EPHA10: variants seen among roughly 807,000 people sequenced by gnomAD.
The protein encoded by EPHA10 is EPH receptor A10.
EPHA10 carries 120 observed loss-of-function variants against 109.7 expected under a neutral mutation model. The observed-to-expected ratio is 1.09, with a 90% CI of 0.94 to 1.27. The LOEUF (loss-of-function observed/expected upper bound fraction) is 1.27, where lower values mean the gene tolerates loss of function less well. EPHA10 is among the 50% of genes most tolerant of loss of function. The pLI, the probability that EPHA10 is intolerant of heterozygous loss-of-function variation, is 0.00. For missense variants in EPHA10, 1,396 were observed against 1,411.1 expected (o/e 0.99, Z 0.17); for synonymous variants, 640 against 618.9 (o/e 1.03, Z -0.51).
At chr1:37,756,252 A>G (rs1361022824) in intron 3 of EPHA10, among the ~76,000 whole-genome samples, 4 of 152,222 alleles carry the variant, frequency 2.6e-5, no homozygotes, top group Admixed American at 2.0e-4. Context: ...TTGGTCAAAT[A>G]GGAATAACAA....
At chr1:37,736,442 C>T (rs1167993372) in intron 5 of EPHA10, among the ~76,000 whole-genome samples, 6 of 143,122 alleles carry the variant, frequency 4.2e-5, no homozygotes, top group Non-Finnish European at 7.5e-5. Context: ...TGCCATTGCA[C>T]TCCAGCCTGG....
chr1:37,715,639 G>A (rs1390549620), downstream of EPHA10, among the ~76,000 whole-genome samples: 4 of 152,112 alleles, frequency 2.6e-5, no homozygotes, highest in South Asian at 2.1e-4. Context: ...ACTGAGCACT[G>A]AGCACCTTTC....
At chr1:37,749,254 T>C (rs1646286832) in intron 5 of EPHA10, among the ~76,000 whole-genome samples, 1 of 151,908 alleles carries the variant, frequency 6.6e-6, no homozygotes. Flanking sequence ...GAAAATCATA[T>C]TGCACAGTGC....
intron 6 of EPHA10, 33 bp downstream of exon 6, chr1:37,735,224 C>T: frequency 6.4e-7 from 1 of 1,559,028 alleles, no homozygotes; most frequent in Non-Finnish European, 8.7e-7. Flanking sequence ...AGGTGCGGGG[C>T]AGGCTCCAGG....
At chr1:37,760,266 A>T in intron 3 of EPHA10, 1 of 1,026,444 alleles carries the variant, frequency 9.7e-7, no homozygotes, top group Non-Finnish European at 1.2e-6. Context: ...CCAGAAAAGG[A>T]CATGGTTTAG....
chr1:37,722,670 A>C (rs1645818500), intron 10 of EPHA10: 1 of 376,310 alleles, frequency 2.7e-6, no homozygotes, highest in Non-Finnish European at 5.2e-6. Flanking sequence ...CATGACCCTG[A>C]TCATGCAGCG....
Position 37,762,766 on chromosome 1 carries a change from G to A in EPHA10, c.171+19C>T, listed in dbSNP as rs1242632787. 2.6e-6 allele frequency: 4 copies of A among 1,544,460 alleles called. No homozygotes were observed. Among genetic ancestry groups the A allele is most frequent in the Non-Finnish European group, 3.5e-6 (4 of 1,143,232 alleles). The stretch of plus-strand genomic sequence containing the variant: ...CACCAGAGGATCCCTGGGACAGGGA[G>A]GGACACTTGTGCACTTACCCCATTA... On this transcript the variant is annotated intron_variant, in intron 2 of 16. Transcript: ENST00000373048.
chr1:37,765,041 G>C lies in EPHA10; in HGVS notation c.26C>G (p.Pro9Arg). Reference sequence around the variant, plus strand: ...CATCCGGCAGAGGAAGAGGCGCAGCGGGTGTGGACCGGCGCAGGTCTCCAT... The same window carrying C: ...CATCCGGCAGAGGAAGAGGCGCAGCCGGTGTGGACCGGCGCAGGTCTCCAT... Reference protein sequence around the residue: METCAGPHPLRLFLCRMQL... With the variant: METCAGPHRLRLFLCRMQL... The change falls in exon 1 of 17, where the codon CCG becomes CGG. Residue 9 changes from proline (P) to arginine (R), a missense_variant. By Grantham distance (103) the Pro-to-Arg change is moderately radical. Coordinates refer to ENST00000373048, the MANE Select transcript of EPHA10 (RefSeq NM_001099439.2). 3.1e-6 allele frequency: 5 copies of C among 1,607,684 alleles called. No homozygotes were observed. The highest frequency in any genetic ancestry group is 4.2e-6 in the Non-Finnish European group (5 of 1,178,586).
At chr1:37,745,154 C>CA (rs1646211465) in intron 5 of EPHA10, among the ~76,000 whole-genome samples, 2 of 152,156 alleles carry the variant, frequency 1.3e-5, no homozygotes, top group Non-Finnish European at 2.9e-5. Flanking sequence ...TGTTTTAGGC[C>CA]AGCCAGTTTT....
intron 5 of EPHA10, among the ~76,000 whole-genome samples, chr1:37,739,391 G>A (rs1314726237): frequency 1.3e-5 from 2 of 152,294 alleles, no homozygotes; most frequent in African/African-American, 4.8e-5. Flanking sequence ...TAGGCCAGGT[G>A]CAGTGACTCA....
At chr1:37,748,053 C>A (rs1646266404) in intron 5 of EPHA10, among the ~76,000 whole-genome samples, 1 of 152,118 alleles carries the variant, frequency 6.6e-6, no homozygotes, top group Non-Finnish European at 1.5e-5. Flanking sequence ...CAAGACGTTA[C>A]AGTAAAGATT....
rs531128878 is a variant in EPHA10 at position 37,716,378 on chromosome 1, A to T, written c.*1994T>A. The stretch of plus-strand genomic sequence containing the variant: ...TAGCTGGAGATGAGGACGAGGCTCC[A>T]TCCACCCAAGAAGGGATGCTGGTCC... On this transcript the variant is annotated 3_prime_UTR_variant, in exon 17 of 17. Transcript: ENST00000373048. 4.2e-6 allele frequency: 1 copy of T among 238,024 alleles called. No homozygotes were observed. The highest frequency in any genetic ancestry group is 6.0e-5 in the East Asian group (1 of 16,556). The allele number at this position is 238,024 out of a possible 1,614,324, so 14.7% of individuals were successfully genotyped here.
intron 5 of EPHA10, among the ~76,000 whole-genome samples, chr1:37,748,079 C>A (rs1451320357): frequency 6.6e-6 from 1 of 152,106 alleles, no homozygotes; most frequent in Non-Finnish European, 1.5e-5. Context: ...TATCAAACCA[C>A]CAGGTGCAGT....
intron 8 of EPHA10, among the ~76,000 whole-genome samples, chr1:37,723,887 G>A (rs1374722843): frequency 6.6e-6 from 1 of 152,264 alleles, no homozygotes; most frequent in African/African-American, 2.4e-5. Context: ...TCCTGAGACA[G>A]AGGCAGCCAC....
intron 11 of EPHA10, among the ~76,000 whole-genome samples, chr1:37,721,262 A>AC (rs1253167403): frequency 2.0e-5 from 3 of 150,644 alleles, no homozygotes; most frequent in Non-Finnish European, 3.0e-5. Context: ...TACTAAAAAA[A>AC]AAAAAAAACA....
intron 3 of EPHA10, chr1:37,756,484 G>GGATT (rs761057532): frequency 0.17 from 25,520 of 152,212 alleles, 2,404 homozygotes; most frequent in South Asian, 0.23. Context: ...GTGCTGAAGA[G>GGATT]CAGATTCAGG....
At chr1:37,757,878 C>A (rs1294553613) in intron 3 of EPHA10, among the ~76,000 whole-genome samples, 1 of 152,150 alleles carries the variant, frequency 6.6e-6, no homozygotes, top group Non-Finnish European at 1.5e-5. Context: ...GTTGATAATT[C>A]CCTCAACATC....
chr1:37,719,842 G>A, intron 14 of EPHA10, 67 bp downstream of exon 14: 1 of 1,611,472 alleles, frequency 6.2e-7, no homozygotes. Context: ...AACGGGCAGA[G>A]GTCAGGAAGC....
In EPHA10 at chr1:37,764,901, T is replaced by G; in HGVS notation, c.106+60A>C. Reference sequence around the variant, plus strand: ...ATGACTCCTTCCCCCAGAACCCCCATCGCCAGCCCCCTATCTTTTGGTATG... The same window carrying G: ...ATGACTCCTTCCCCCAGAACCCCCAGCGCCAGCCCCCTATCTTTTGGTATG... On this transcript the variant is annotated intron_variant, in intron 1 of 16. Transcript: ENST00000373048. The surrounding 1 kb of genome is among the most constrained non-coding windows in gnomAD (Gnocchi z 5.8). The G allele has an allele frequency of 1.4e-6, 2 of 1,469,164 alleles. No homozygotes were observed. The highest frequency in any genetic ancestry group is 1.9e-6 in the Non-Finnish European group (2 of 1,079,006). 91.0% of individuals were successfully genotyped at this position (1,469,164 alleles called of 1,614,324 possible).
Sources: gnomAD v4.1 joint callset for allele counts (sites outside exome capture counted in the v4.1 genomes callset) on GRCh38, gnomAD v4.1.1 for gene constraint, Gnocchi (gnomAD v3.1) non-coding constraint, MANE v1.5 for transcripts, NCBI Gene and HGNC (gene_info 2026-07-23, HGNC 2026-07-21) for gene names.